Variants in EXOC4 observed in about 807,000 individuals in gnomAD.
EXOC4 encodes the protein SEC8-like 1.
In EXOC4, 71 loss-of-function variants were observed where a neutral mutation model predicts 107.2. The observed-to-expected ratio is 0.66, with a 90% CI of 0.55 to 0.81. The LOEUF (loss-of-function observed/expected upper bound fraction) is 0.81, where lower values mean the gene tolerates loss of function less well. Among genes scored for constraint, EXOC4 ranks in the 30% least tolerant of loss-of-function variants. EXOC4 has a pLI of 0.00. For synonymous variants in EXOC4, 456 were observed against 441.2 expected, an observed-to-expected ratio of 1.03 and a Z score of -0.42; for missense variants, 1,108 against 1,189.6, an observed-to-expected ratio of 0.93 and a Z score of 1.01.
At chr7:133,932,500 G>C (rs1800201398) in intron 13 of EXOC4, among the ~76,000 whole-genome samples, 1 of 152,166 alleles carries the variant, frequency 6.6e-6, no homozygotes, top group Non-Finnish European at 1.5e-5. Flanking sequence ...GAATGCATAT[G>C]TACCATATAC....
chr7:133,405,321 T>A (rs945390621), intron 7 of EXOC4, among the ~76,000 whole-genome samples: 3 of 152,132 alleles, frequency 2.0e-5, no homozygotes, highest in African/African-American at 7.2e-5. Context: ...AGATCTGGAA[T>A]AATAATCATA....
At chr7:133,508,678 A>G (rs952834330) in intron 9 of EXOC4, among the ~76,000 whole-genome samples, 3 of 152,160 alleles carry the variant, frequency 2.0e-5, no homozygotes, top group African/African-American at 7.2e-5. Context: ...CAAGTTAACA[A>G]TTATCAGGGT....
At chr7:133,898,391 T>C (rs7776858) in intron 12 of EXOC4, among the ~76,000 whole-genome samples, 94,266 of 151,886 alleles carry the variant, frequency 0.62, 31,919 homozygotes, top group African/African-American at 0.9. Flanking sequence ...CAAAACCAGA[T>C]TCCAAAGTGG....
At position 133,850,434 on chromosome 7, in the gene EXOC4, T is replaced by C. The variant is rs370708735; in HGVS notation, c.1734+32890T>C. On this transcript the variant is annotated intron_variant, in intron 11 of 17. Transcript: ENST00000253861. ...GGTTCAGTATTAAATAAGTTTGTTTTTTGTTTTTTCTTTTTTTTTAGTGGT... is the reference window on the plus strand; with the variant it reads ...GGTTCAGTATTAAATAAGTTTGTTTCTTGTTTTTTCTTTTTTTTTAGTGGT... Among the ~76,000 whole-genome samples the C allele has an allele frequency of 1.4e-4, 22 of 152,284 alleles. No individual in the cohort carries two copies. The East Asian group carries it at 3.5e-3, about 24-fold the overall frequency.
chr7:133,395,484 TC>T (rs1796950740), intron 7 of EXOC4, among the ~76,000 whole-genome samples: 1 of 152,122 alleles, frequency 6.6e-6, no homozygotes, highest in African/African-American at 2.4e-5. Context: ...CTACTGTATC[TC>T]CCTGATCTGT....
At chr7:133,936,680 C>T (rs941614533) in intron 13 of EXOC4, among the ~76,000 whole-genome samples, 1 of 152,054 alleles carries the variant, frequency 6.6e-6, no homozygotes, top group Non-Finnish European at 1.5e-5. Flanking sequence ...TTTTTGGAGA[C>T]AGAGTCTCAT....
At chr7:133,374,767 T>C (rs1233764783) in intron 6 of EXOC4, 61 bp from the exon 7 acceptor site, 2 of 1,408,420 alleles carry the variant, frequency 1.4e-6, no homozygotes, top group East Asian at 4.6e-5. Flanking sequence ...TGCAGGTCAC[T>C]GTAAGCCATT....
intron 11 of EXOC4, among the ~76,000 whole-genome samples, chr7:133,887,563 A>G (rs1799113445): frequency 6.6e-6 from 1 of 152,208 alleles, no homozygotes; most frequent in Non-Finnish European, 1.5e-5. Context: ...ATGGGGGCCA[A>G]CAGAGTAAAG....
chr7:133,467,026 T>G (rs1798746152), intron 7 of EXOC4, among the ~76,000 whole-genome samples: 1 of 152,148 alleles, frequency 6.6e-6, no homozygotes, highest in African/African-American at 2.4e-5. Context: ...ATTTATTAAT[T>G]TATAGATCAT....
At chr7:133,446,189 T>C (rs1266226642) in intron 7 of EXOC4, among the ~76,000 whole-genome samples, 1 of 152,188 alleles carries the variant, frequency 6.6e-6, no homozygotes, top group Non-Finnish European at 1.5e-5. Context: ...GGTATCAGTA[T>C]TCTCTGTGCT....
intron 5 of EXOC4, among the ~76,000 whole-genome samples, chr7:133,353,143 G>A (rs1206732789): frequency 6.6e-6 from 1 of 152,044 alleles, no homozygotes; most frequent in Non-Finnish European, 1.5e-5. Flanking sequence ...TTTAAATTAT[G>A]TAGAAAACAA....
At chr7:133,588,473 G>T (rs1359532813) in intron 9 of EXOC4, among the ~76,000 whole-genome samples, 1 of 152,204 alleles carries the variant, frequency 6.6e-6, no homozygotes, top group African/African-American at 2.4e-5. Flanking sequence ...AATACTAGCA[G>T]ATTTTTTTTG....
intron 1 of EXOC4, among the ~76,000 whole-genome samples, chr7:133,267,625 A>T (rs775031263): frequency 1.3e-5 from 2 of 152,052 alleles, no homozygotes; most frequent in Non-Finnish European, 2.9e-5. Context: ...TTCATGAGGG[A>T]GGGATTGGTT....
chr7:133,499,510 GAA>G (rs1799538383), intron 9 of EXOC4, among the ~76,000 whole-genome samples: 1 of 152,160 alleles, frequency 6.6e-6, no homozygotes, highest in South Asian at 2.1e-4. Flanking sequence ...TTACTTGAGA[GAA>G]GAGGATGCAG....
chr7:133,884,316 AT>A (rs1799030950), intron 11 of EXOC4, among the ~76,000 whole-genome samples: 1 of 152,176 alleles, frequency 6.6e-6, no homozygotes, highest in Non-Finnish European at 1.5e-5. Context: ...TTTATAGAGC[AT>A]TTCCACTTAC....
chr7:133,680,510 A>G (rs1794163837), intron 10 of EXOC4, among the ~76,000 whole-genome samples: 1 of 152,188 alleles, frequency 6.6e-6, no homozygotes, highest in Non-Finnish European at 1.5e-5. Flanking sequence ...ATGGATATAA[A>G]CCAATTACTT....
At chr7:133,855,140 T>TAA (rs1798344707) in intron 11 of EXOC4, among the ~76,000 whole-genome samples, 15 of 124,692 alleles carry the variant, frequency 1.2e-4, no homozygotes, top group Non-Finnish European at 2.4e-4. Context: ...TATATATATA[T>TAA]ATAAATATAT....
intron 7 of EXOC4, among the ~76,000 whole-genome samples, chr7:133,415,517 G>A (rs1445766461): frequency 1.2e-4 from 19 of 152,094 alleles, no homozygotes. Context: ...GGTGGCTAAT[G>A]ATGTTGATCA....
At chr7:133,377,789 A>C (rs1395881494) in intron 7 of EXOC4, among the ~76,000 whole-genome samples, 2 of 152,226 alleles carry the variant, frequency 1.3e-5, no homozygotes, top group African/African-American at 4.8e-5. Flanking sequence ...CACATTGCCT[A>C]CAAGCAAACA....
Sources: allele counts gnomAD v4.1 joint callset (sites outside exome capture counted in the v4.1 genomes callset), GRCh38; gene constraint gnomAD v4.1.1; transcripts MANE v1.5; gene names NCBI Gene and HGNC (gene_info 2026-07-23, HGNC 2026-07-21).